HNRNPDL: variants seen among roughly 807,000 people sequenced by gnomAD.
The protein encoded by HNRNPDL is heterogeneous nuclear ribonucleoprotein D like, also known as heterogeneous nuclear ribonucleoprotein D-like.
In HNRNPDL, 18 loss-of-function variants were observed where a neutral mutation model predicts 48.0. The observed-to-expected ratio is 0.38, with a 90% CI of 0.26 to 0.56. The LOEUF (loss-of-function observed/expected upper bound fraction) is 0.56, where lower values mean the gene tolerates loss of function less well. Among genes scored for constraint, HNRNPDL ranks in the 20% least tolerant of loss-of-function variants. The probability of loss-of-function intolerance (pLI) is 0.77; values close to 1 mark genes in which losing one functional copy is unlikely to be tolerated. For synonymous variants in HNRNPDL, 306 were observed against 207.3 expected (o/e 1.48, Z -4.09); for missense variants, 553 against 540.7 (o/e 1.02, Z -0.23).
rs1177306355 is a variant in HNRNPDL, at chr4:82,424,391, G to A, written c.*515C>T. Reference sequence around the variant, plus strand: ...GGACAGTCTTCAGATAACCAGAAGGGAAAGAACATTGTTCAAAGGTGTGGT... The same window carrying A: ...GGACAGTCTTCAGATAACCAGAAGGAAAAGAACATTGTTCAAAGGTGTGGT... On this transcript the variant is annotated 3_prime_UTR_variant, in exon 8 of 8. Coordinates refer to ENST00000295470, the MANE Select transcript of HNRNPDL (RefSeq NM_031372.4). The A allele has an allele frequency of 6.6e-6, 1 of 152,612 alleles. No individual in the cohort carries two copies. Among genetic ancestry groups the A allele is most frequent in the Non-Finnish European group, 1.5e-5 (1 of 68,026 alleles). 9.5% of individuals were successfully genotyped at this position (152,612 alleles called of 1,614,324 possible).
rs1279402943 is a variant in HNRNPDL at position 82,429,565 on chromosome 4, G to C, written c.126C>G (p.Leu42=). ...PRPPRQLAPL[L]PSLAPSSARQ... is the part of the protein sequence containing the mutation. ...GGGCGGAGCTGGGAGCGAGCGAAGGGAGGAGCGGGGCTAGCTGCCGCGGCG... is the reference window on the plus strand; with the variant it reads ...GGGCGGAGCTGGGAGCGAGCGAAGGCAGGAGCGGGGCTAGCTGCCGCGGCG... Residue 42 remains leucine, a synonymous_variant, in exon 1 of 8, where the codon CTC becomes CTG. Transcript: ENST00000295470. The C allele has an allele frequency of 3.5e-6, 5 of 1,428,390 alleles. No individual in the cohort carries two copies. In the African/African-American group the frequency reaches 6.1e-5, roughly 17 times the overall value. 88.5% of individuals were successfully genotyped at this position (1,428,390 alleles called of 1,614,324 possible).
chr4:82,425,809 C>G, intron 7 of HNRNPDL: 1 of 482,102 alleles, frequency 2.1e-6, no homozygotes, highest in Non-Finnish European at 3.7e-6. Flanking sequence ...TACACAAAAG[C>G]AAACAGAAAA....
Position 82,429,706 on chromosome 4 carries a change from A to C in HNRNPDL, c.-16T>G, listed in dbSNP as rs540206540. The C allele has an allele frequency of 7.7e-5, 104 of 1,347,838 alleles. 1 individual carries two copies. In the African/African-American group the frequency reaches 1.5e-3, roughly 19 times the overall value. The allele number at this position is 1,347,838 out of a possible 1,614,324, so 83.5% of individuals were successfully genotyped here. ...GGACCTCCATCGCGGCCCTCCCGGCAAGGAGAGAGGCCACGCGTGAGGGGA... is the reference window on the plus strand; with the variant it reads ...GGACCTCCATCGCGGCCCTCCCGGCCAGGAGAGAGGCCACGCGTGAGGGGA... On this transcript the variant is annotated 5_prime_UTR_variant, in exon 1 of 8. Transcript: ENST00000295470.
In HNRNPDL at chr4:82,428,124, G is replaced by A; in HGVS notation, c.668C>T (p.Ala223Val). The part of the protein sequence containing the change: ...LDGKLIDPKR[A>V]KALKGKEPPK... ...AGGTTCTTTCCCTTTTAAAGCTTTG[G>A]CCCTTTTGGGATCTATCAATTTGCC... Residue 223 changes from alanine (A) to valine (V), a missense_variant, in exon 3 of 8, where the codon GCC (alanine) becomes GTC (valine). Around this residue, in one of 4 missense-constraint regions of HNRNPDL, gnomAD observed 174 missense variants for 204.6 expected, o/e 0.85. Coordinates refer to ENST00000295470, the MANE Select transcript of HNRNPDL (RefSeq NM_031372.4). The A allele has an allele frequency of 6.2e-7, 1 of 1,614,056 alleles. No homozygotes were observed. The highest frequency in any genetic ancestry group is 8.5e-7 in the Non-Finnish European group (1 of 1,179,996).
At chr4:82,428,832 T>C (rs948716666) in intron 1 of HNRNPDL, among the ~76,000 whole-genome samples, 1 of 152,240 alleles carries the variant, frequency 6.6e-6, no homozygotes, top group Non-Finnish European at 1.5e-5. Flanking sequence ...ATAACACGTT[T>C]TGTGAATCTG....
chr4:82,426,661 A>C (rs756525949), intron 5 of HNRNPDL, 28 bp from the exon 6 acceptor site: 2 of 1,600,478 alleles, frequency 1.2e-6, no homozygotes, highest in South Asian at 1.1e-5. Context: ...GATTGTTAGG[A>C]AACAACTTCT....
rs1482643390 is a variant in HNRNPDL, at chr4:82,430,152, CGGGCGCGCGGGCCAA to C, written c.-477_-463del. ...GCGGGCGCCTCTTCCACTGTGACCA[CGGGCGCGCGGGCCAA>C]GGGGGCGCGGCGGGGCCTCCCGGGC... On this transcript the variant is annotated 5_prime_UTR_variant, in exon 1 of 8. Coordinates refer to ENST00000295470, the MANE Select transcript of HNRNPDL (RefSeq NM_031372.4). 4 of 152,412 alleles carry C rather than the reference CGGGCGCGCGGGCCAA, an allele frequency of 2.6e-5. No individual in the cohort carries two copies. In the East Asian group the frequency reaches 7.8e-4, roughly 30 times the overall value. 9.4% of individuals were successfully genotyped at this position (152,412 alleles called of 1,614,324 possible). A position where few individuals can be genotyped will look rare whatever the true frequency, so the allele number is the denominator to read the frequency against.
chr4:82,423,255 T>C lies in HNRNPDL; in HGVS notation c.*1651A>G, dbSNP rs1432347944. ...ATTTTTTGATCAGGGAAAAGGACAA[T>C]CTCAATGTCAACTCGTCACCTAATC... is the stretch of plus-strand genomic sequence containing the variant. On this transcript the variant is annotated 3_prime_UTR_variant, in exon 8 of 8. Transcript: ENST00000295470. The C allele has an allele frequency of 3.9e-5, 6 of 152,182 alleles. No homozygotes were observed. Among genetic ancestry groups the C allele is most frequent in the Admixed American group, 2.0e-4 (3 of 15,270 alleles). 9.4% of individuals were successfully genotyped at this position (152,182 alleles called of 1,614,324 possible). A position where few individuals can be genotyped will look rare whatever the true frequency, so the allele number is the denominator to read the frequency against.
rs546114981 is a variant in HNRNPDL at position 82,427,107 on chromosome 4, T to G, written c.1021+83A>C. ...CTGGAATGGTTTTAAGTTTAAAGTT[T>G]TGCTTTGGTACAGGACTACTCATAT... On this transcript the variant is annotated intron_variant, in intron 5 of 7. Coordinates refer to ENST00000295470, the MANE Select transcript of HNRNPDL (RefSeq NM_031372.4). 69 of 914,274 alleles carry G rather than the reference T, an allele frequency of 7.5e-5. 2 individuals carry two copies. In the South Asian group the frequency reaches 8.9e-4, roughly 12 times the overall value. 56.6% of individuals were successfully genotyped at this position (914,274 alleles called of 1,614,324 possible). A position where few individuals can be genotyped will look rare whatever the true frequency, so the allele number is the denominator to read the frequency against.
chr4:82,428,647 G>A (rs755497185), intron 1 of HNRNPDL, among the ~76,000 whole-genome samples: 5 of 152,144 alleles, frequency 3.3e-5, no homozygotes, highest in Non-Finnish European at 7.4e-5. Context: ...CTCACTGTCC[G>A]CACTACATAA....
rs753977584 is a variant in HNRNPDL at position 82,430,432 on chromosome 4, C to T, written c.-742G>A. ...CCTGTCTGCGGAGGGCGCGCTCTCGCGCACCCTGCTCCCGCGTTCGCTTCT... is the reference window on the plus strand; with the variant it reads ...CCTGTCTGCGGAGGGCGCGCTCTCGTGCACCCTGCTCCCGCGTTCGCTTCT... On this transcript the variant is annotated 5_prime_UTR_variant, in exon 1 of 8. Transcript: ENST00000295470. 1.0e-3 allele frequency: 195 copies of T among 195,202 alleles called. No individual in the cohort carries two copies. The highest frequency in any genetic ancestry group is 1.6e-3 in the Non-Finnish European group (150 of 95,098). The allele number at this position is 195,202 out of a possible 1,614,324, so 12.1% of individuals were successfully genotyped here. A position where few individuals can be genotyped will look rare whatever the true frequency, so the allele number is the denominator to read the frequency against.
Position 82,427,416 on chromosome 4 carries a change from T to G in HNRNPDL, c.906+17A>C, listed in dbSNP as rs1241440099. ...CAATTATTTAAATTTTCATTTAAAG[T>G]GCTTAAATGGCTTTACCTTCCCAGA... is the stretch of plus-strand genomic sequence containing the variant. On this transcript the variant is annotated intron_variant, in intron 4 of 7. Transcript: ENST00000295470. 1.5e-5 allele frequency: 24 copies of G among 1,567,508 alleles called. No homozygotes were observed. The highest frequency in any genetic ancestry group is 1.7e-4 in the Middle Eastern group (1 of 5,916).
At position 82,429,382 on chromosome 4, in the gene HNRNPDL, G is replaced by A. The variant is rs764382746; in HGVS notation, c.309C>T (p.Ala103=). The change falls in exon 1 of 8, where the codon GCC becomes GCT. Residue 103 remains alanine (A), a synonymous_variant. Transcript: ENST00000295470. ...SSIQRSAAAA[A]ATRTARQHPP... ...GGTGCTGGCGCGCAGTCCGGGTCGC[G>A]GCAGCAGCGGCGGCGGAGCGTTGTA... 10 of 1,613,496 alleles carry A rather than the reference G, an allele frequency of 6.2e-6. No individual in the cohort carries two copies. The highest frequency in any genetic ancestry group is 1.3e-5 in the African/African-American group (1 of 74,996).
intron 1 of HNRNPDL, among the ~76,000 whole-genome samples, chr4:82,428,704 A>T (rs1002731820): frequency 1.3e-5 from 2 of 152,226 alleles, no homozygotes; most frequent in African/African-American, 4.8e-5. Context: ...GGTTCTGCCC[A>T]GATTCCTTTA....
chr4:82,425,076 A>C (rs548338532), intron 7 of HNRNPDL, 193 bp from the exon 8 acceptor site: 22 of 152,340 alleles, frequency 1.4e-4, no homozygotes, highest in African/African-American at 5.3e-4. Context: ...CATTAAATTC[A>C]AATCTATTCA....
At position 82,429,731 on chromosome 4, in the gene HNRNPDL, A is replaced by G. The variant is rs1296266370; in HGVS notation, c.-41T>C. Reference sequence around the variant, plus strand: ...AAGGAGAGAGGCCACGCGTGAGGGGACGCGGGCTTGGGAGAAGAGAAGAAT... The same window carrying G: ...AAGGAGAGAGGCCACGCGTGAGGGGGCGCGGGCTTGGGAGAAGAGAAGAAT... On this transcript the variant is annotated 5_prime_UTR_variant, in exon 1 of 8. Transcript: ENST00000295470. 3.1e-6 allele frequency: 4 copies of G among 1,310,788 alleles called. No homozygotes were observed. In the African/African-American group the frequency reaches 6.2e-5, roughly 20 times the overall value. The allele number at this position is 1,310,788 out of a possible 1,614,324, so 81.2% of individuals were successfully genotyped here.
chr4:82,429,574 G>A lies in HNRNPDL; in HGVS notation c.117C>T (p.Ala39=), dbSNP rs1721617311. 3.6e-6 allele frequency: 5 copies of A among 1,393,526 alleles called. No homozygotes were observed. Among genetic ancestry groups the A allele is most frequent in the Non-Finnish European group, 4.6e-6 (5 of 1,077,938 alleles). The allele number at this position is 1,393,526 out of a possible 1,614,324, so 86.3% of individuals were successfully genotyped here. The change falls in exon 1 of 8, where the codon GCC becomes GCT. Residue 39 remains alanine, a synonymous_variant. Coordinates refer to ENST00000295470, the MANE Select transcript of HNRNPDL (RefSeq NM_031372.4). ...HWRPRPPRQL[A]PLLPSLAPSS... ...TGGGAGCGAGCGAAGGGAGGAGCGG[G>A]GCTAGCTGCCGCGGCGGCCGCGGCC...
intron 7 of HNRNPDL, 69 bp downstream of exon 7, chr4:82,425,968 T>C: frequency 9.3e-7 from 1 of 1,072,172 alleles, no homozygotes; most frequent in Non-Finnish European, 1.4e-6. Flanking sequence ...TGTTTTTACG[T>C]TTCATTTGTC....
At chr4:82,426,203 T>C (rs1190511191) in intron 6 of HNRNPDL, 74 bp from the exon 7 acceptor site, 1 of 1,296,482 alleles carries the variant, frequency 7.7e-7, no homozygotes, top group Non-Finnish European at 1.1e-6. Flanking sequence ...AACTATTAAA[T>C]CTACAAATCT....
Sources: allele counts gnomAD v4.1 joint callset (sites outside exome capture counted in the v4.1 genomes callset), GRCh38; gene constraint gnomAD v4.1.1; regional missense constraint gnomAD v4.1.1; transcripts MANE v1.5; gene names NCBI Gene and HGNC (gene_info 2026-07-23, HGNC 2026-07-21).